Variants in DCC observed in about 807,000 individuals in gnomAD.
DCC encodes the protein netrin receptor DCC.
In DCC, 58 loss-of-function variants were observed where a neutral mutation model predicts 172.5. The ratio of observed to expected loss-of-function variants is 0.34; its 90% CI spans 0.27 to 0.42. The LOEUF is 0.42. Ranked by LOEUF, DCC falls within the 10% of genes least tolerant of loss-of-function variation. The probability of loss-of-function intolerance (pLI) is 1.00; values close to 1 mark genes in which losing one functional copy is unlikely to be tolerated. For missense variants in DCC, 1,740 were observed against 1,791.0 expected (o/e 0.97, Z 0.51); for synonymous variants, 709 against 644.5 (o/e 1.10, Z -1.52).
intron 7 of DCC, among the ~76,000 whole-genome samples, chr18:53,074,485 TAAG>T (rs1056379309): frequency 6.6e-6 from 1 of 152,206 alleles, no homozygotes; most frequent in Non-Finnish European, 1.5e-5. Context: ...TAATTGTAGC[TAAG>T]AAGATACAGA....
intron 13 of DCC, among the ~76,000 whole-genome samples, chr18:53,311,204 C>T (rs1254543068): frequency 6.6e-6 from 1 of 152,054 alleles, no homozygotes; most frequent in Non-Finnish European, 1.5e-5. Flanking sequence ...TCACTGCAAC[C>T]TCTGCCTCCC....
chr18:53,199,547 A>G (rs2055502898), intron 9 of DCC, among the ~76,000 whole-genome samples: 1 of 152,098 alleles, frequency 6.6e-6, no homozygotes, highest in African/African-American at 2.4e-5. Flanking sequence ...ATGTACATGC[A>G]TACCTATACA....
chr18:52,497,079 C>T (rs2030784613), intron 1 of DCC, among the ~76,000 whole-genome samples: 1 of 150,948 alleles, frequency 6.6e-6, no homozygotes. Flanking sequence ...CATGACAAGA[C>T]TTCATCCCTT....
At chr18:53,506,362 A>ATAAC (rs1422960941) in intron 27 of DCC, among the ~76,000 whole-genome samples, 1 of 152,236 alleles carries the variant, frequency 6.6e-6, no homozygotes, top group African/African-American at 2.4e-5. Context: ...ATACGATGAA[A>ATAAC]TAACTTACAA....
intron 1 of DCC, among the ~76,000 whole-genome samples, chr18:52,716,363 A>T (rs2036383582): frequency 6.6e-6 from 1 of 152,164 alleles, no homozygotes; most frequent in Non-Finnish European, 1.5e-5. Context: ...TCACTTGTCA[A>T]CCCATGACGG....
chr18:52,904,282 TATA>T (rs940086779), intron 2 of DCC, among the ~76,000 whole-genome samples: 8 of 152,348 alleles, frequency 5.3e-5, no homozygotes, highest in African/African-American at 1.9e-4. Context: ...TGGATGTAGC[TATA>T]ATGAGTGATA....
In DCC at chr18:53,427,912, AATAAT is replaced by A. The variant is rs1308796905; in HGVS notation, c.3164-7223_3164-7219del. Among the ~76,000 whole-genome samples the A allele has an allele frequency of 7.0e-5, 4 of 57,186 alleles. 1 individual carries two copies. In the Admixed American group the frequency reaches 8.2e-4, roughly 12 times the overall value. 37.5% of individuals were successfully genotyped at this position (57,186 alleles called of 152,430 possible). On this transcript the variant is annotated intron_variant, in intron 21 of 28. Coordinates refer to ENST00000442544, the MANE Select transcript of DCC (RefSeq NM_005215.4). ...ATATAATAAATTATATATAATATAT[AATAAT>A]ATAATATATAATATAATATAATATA...
rs111991550 is a variant in DCC, at chr18:53,132,425, A to T, written c.1262-24931A>T. 9.8e-3 allele frequency among the ~76,000 whole-genome samples: 1,489 copies of T among 152,174 alleles called. 33 individuals carry two copies. Among genetic ancestry groups the T allele is most frequent in the African/African-American group, 0.033 (1,383 of 41,530 alleles). On this transcript the variant is annotated intron_variant, in intron 7 of 28. Coordinates refer to ENST00000442544, the MANE Select transcript of DCC (RefSeq NM_005215.4). The stretch of plus-strand genomic sequence containing the variant: ...TCAGACATTCACATTTCATCTAGAA[A>T]GACATGGGGAGGGATGCTGATCCAC...
intron 1 of DCC, among the ~76,000 whole-genome samples, chr18:52,459,537 G>A (rs1403707801): frequency 1.3e-5 from 2 of 151,208 alleles, no homozygotes; most frequent in East Asian, 2.0e-4. Flanking sequence ...GCGCTATCTC[G>A]GCTCACTGCA....
At chr18:52,879,411 G>GTTTTTTTTTTTTTTTTT (rs1568164319) in intron 2 of DCC, among the ~76,000 whole-genome samples, 2 of 44,958 alleles carry the variant, frequency 4.4e-5, no homozygotes, top group African/African-American at 1.6e-4. Flanking sequence ...ATGTTGTTTG[G>GTTTTTTTTTTTTTTTTT]CTTTTTTTTT....
intron 12 of DCC, among the ~76,000 whole-genome samples, chr18:53,235,973 A>G (rs1294631783): frequency 6.6e-6 from 1 of 152,154 alleles, no homozygotes; most frequent in Non-Finnish European, 1.5e-5. Context: ...ATTCCATTGA[A>G]TGGATACACC....
At chr18:53,345,770 T>G (rs2057716717) in intron 15 of DCC, among the ~76,000 whole-genome samples, 1 of 151,976 alleles carries the variant, frequency 6.6e-6, no homozygotes, top group African/African-American at 2.4e-5. Flanking sequence ...GATTTTTTTT[T>G]TCTTTCCTCC....
intron 9 of DCC, 148 bp from the exon 10 acceptor site, chr18:53,205,068 T>C: frequency 1.5e-6 from 1 of 662,894 alleles, no homozygotes; most frequent in Non-Finnish European, 2.6e-6. Flanking sequence ...CCAGAGTTTA[T>C]ATTTTTATAT....
chr18:52,784,834 A>T (rs149920441), intron 2 of DCC, among the ~76,000 whole-genome samples: 440 of 151,532 alleles, frequency 2.9e-3, no homozygotes, highest in African/African-American at 0.01. Context: ...ACCCAGACAC[A>T]TGTGAGTGGG....
intron 3 of DCC, among the ~76,000 whole-genome samples, chr18:52,907,196 T>A (rs140618304): frequency 0.012 from 1,797 of 149,238 alleles, 27 homozygotes; most frequent in African/African-American, 0.04. Context: ...GTATTATATA[T>A]ATACCCTATA....
intron 1 of DCC, among the ~76,000 whole-genome samples, chr18:52,614,248 T>C (rs999339934): frequency 1.3e-5 from 2 of 152,218 alleles, no homozygotes; most frequent in African/African-American, 4.8e-5. Flanking sequence ...TGTACTAAAC[T>C]GTAAGTTACT....
chr18:52,342,374 T>C (rs4940177), intron 1 of DCC, among the ~76,000 whole-genome samples: 128,145 of 150,996 alleles, frequency 0.85, 54,390 homozygotes, highest in East Asian at 0.89. Flanking sequence ...TCCCTCCGTC[T>C]GTCCCTCCCG....
chr18:53,152,875 T>C (rs556886868), intron 7 of DCC, among the ~76,000 whole-genome samples: 1 of 152,322 alleles, frequency 6.6e-6, no homozygotes, highest in African/African-American at 2.4e-5. Context: ...TCCGTTTTAA[T>C]ATAACGCCTG....
At chr18:52,998,409 C>T (rs1438252230) in intron 5 of DCC, among the ~76,000 whole-genome samples, 2 of 152,052 alleles carry the variant, frequency 1.3e-5, no homozygotes, top group Non-Finnish European at 2.9e-5. Flanking sequence ...CAGAATGCAT[C>T]GCTCTAGACA....
Sources: allele counts gnomAD v4.1 joint callset (sites outside exome capture counted in the v4.1 genomes callset), GRCh38; gene constraint gnomAD v4.1.1; transcripts MANE v1.5; gene names NCBI Gene and HGNC (gene_info 2026-07-23, HGNC 2026-07-21).